SATB1: variants seen among roughly 807,000 people sequenced by gnomAD.
SATB1 encodes SATB homeobox 1.
SATB1 carries 11 observed loss-of-function variants against 86.9 expected under a neutral mutation model. The ratio of observed to expected loss-of-function variants is 0.13; its 90% CI spans 0.08 to 0.21. The LOEUF is 0.21. Among genes scored for constraint, SATB1 ranks in the 10% least tolerant of loss-of-function variants. SATB1 has a pLI of 1.00. For synonymous variants in SATB1, 357 were observed against 357.2 expected, an observed-to-expected ratio of 1.00 and a Z score of 0.01; for missense variants, 551 against 937.6, an observed-to-expected ratio of 0.59 and a Z score of 5.39.
chr3:18,356,098 A>C (rs1340197448), intron 9 of SATB1, among the ~76,000 whole-genome samples: 2 of 151,986 alleles, frequency 1.3e-5, no homozygotes, highest in African/African-American at 4.8e-5. Context: ...TACTTAAAAA[A>C]AACTGGCATG....
upstream of SATB1, among the ~76,000 whole-genome samples, chr3:18,440,777 A>T (rs1699220781): frequency 6.6e-6 from 1 of 152,204 alleles, no homozygotes; most frequent in Non-Finnish European, 1.5e-5. Context: ...AATTTGTAAA[A>T]ATCATCACAG....
chr3:18,368,557 C>G (rs1203623271), intron 9 of SATB1, among the ~76,000 whole-genome samples: 3 of 152,076 alleles, frequency 2.0e-5, no homozygotes, highest in Admixed American at 6.6e-5. Context: ...GAGGAAACTA[C>G]TAAGCAAAAG....
chr3:18,414,956 G>C (rs1698038131), intron 5 of SATB1, 155 bp downstream of exon 5: 1 of 716,696 alleles, frequency 1.4e-6, no homozygotes, highest in African/African-American at 1.8e-5. Context: ...AAGGAATCAG[G>C]CATATTTTAA....
chr3:18,424,940 T>G lies in SATB1; in HGVS notation c.-1338A>C, dbSNP rs1195625644. On this transcript the variant is annotated 5_prime_UTR_variant, in exon 1 of 11. Transcript: ENST00000338745. Reference sequence around the variant, plus strand: ...ACAGGGAGAGGTGTGTGTGTGTTTGTGTGTGTGCGTGAGTGTGAGCGCGAG... The same window carrying G: ...ACAGGGAGAGGTGTGTGTGTGTTTGGGTGTGTGCGTGAGTGTGAGCGCGAG... 2 of 155,064 alleles carry G rather than the reference T, an allele frequency of 1.3e-5. No homozygotes were observed. Among genetic ancestry groups the G allele is most frequent in the African/African-American group, 4.8e-5 (2 of 41,454 alleles). The allele number at this position is 155,064 out of a possible 1,614,324, so 9.6% of individuals were successfully genotyped here. A position where few individuals can be genotyped will look rare whatever the true frequency, so the allele number is the denominator to read the frequency against.
chr3:18,354,879 G>A (rs1237445323), intron 9 of SATB1, among the ~76,000 whole-genome samples: 1 of 152,132 alleles, frequency 6.6e-6, no homozygotes, highest in Non-Finnish European at 1.5e-5. Flanking sequence ...TGCTCATATT[G>A]TCACTTCTGT....
rs1694148366 is a variant in SATB1 at position 18,348,101 on chromosome 3, T to TATTTTATACATCTGTATAAA, written c.*1068_*1069insTTTATACAGATGTATAAAAT. On this transcript the variant is annotated 3_prime_UTR_variant, in exon 11 of 11. Coordinates refer to ENST00000338745, the MANE Select transcript of SATB1 (RefSeq NM_002971.6). ...AACTCATAAAAAAGAAATACACCTT[T>TATTTTATACATCTGTATAAA]ATACAGAAATTTTATACAGATGTAG... is the stretch of plus-strand genomic sequence containing the variant. 1 of 152,626 alleles carries TATTTTATACATCTGTATAAA rather than the reference T, an allele frequency of 6.6e-6. No homozygotes were observed. Among genetic ancestry groups the TATTTTATACATCTGTATAAA allele is most frequent in the Non-Finnish European group, 1.5e-5 (1 of 68,020 alleles). 9.5% of individuals were successfully genotyped at this position (152,626 alleles called of 1,614,324 possible). A position where few individuals can be genotyped will look rare whatever the true frequency, so the allele number is the denominator to read the frequency against.
intron 9 of SATB1, among the ~76,000 whole-genome samples, chr3:18,367,669 T>C (rs534532825): frequency 2.3e-4 from 35 of 152,344 alleles, no homozygotes; most frequent in Admixed American, 7.2e-4. Flanking sequence ...TTCTTTGTAC[T>C]GAGAATACTG....
At chr3:18,392,047 A>G (rs1441077707) in intron 7 of SATB1, among the ~76,000 whole-genome samples, 1 of 152,166 alleles carries the variant, frequency 6.6e-6, no homozygotes, top group Non-Finnish European at 1.5e-5. Context: ...AAGAGTATCA[A>G]TTATCAATAT....
chr3:18,427,700 A>C (rs1446230566), upstream of SATB1, among the ~76,000 whole-genome samples: 1 of 152,212 alleles, frequency 6.6e-6, no homozygotes. Flanking sequence ...AGCACCTTTT[A>C]TCTGAGTCAC....
intron 8 of SATB1, among the ~76,000 whole-genome samples, chr3:18,381,971 A>G (rs1187905854): frequency 6.6e-6 from 1 of 152,164 alleles, no homozygotes; most frequent in East Asian, 1.9e-4. Flanking sequence ...AAAGACGACA[A>G]TTAATGGGAT....
rs1696357126 is a variant in SATB1, at chr3:18,386,623, G to C, written c.1207-12C>G. ...TCTGAAAGCAAGCCCTGCAAGAAAT[G>C]AAAGGCACAGGGTGAGCCTGCTGCC... On this transcript the variant is annotated splice_polypyrimidine_tract_variant and intron_variant, in intron 7 of 10. Transcript: ENST00000338745. This position sits in a 1 kb window ranked among gnomAD's most constrained non-coding sequence, Gnocchi z 4.5. The C allele has an allele frequency of 6.2e-7, 1 of 1,611,630 alleles. No homozygotes were observed. The highest frequency in any genetic ancestry group is 1.3e-5 in the African/African-American group (1 of 75,000).
At position 18,349,339 on chromosome 3, in the gene SATB1, T is replaced by A. The variant is rs111734237; in HGVS notation, c.2123A>T (p.Asp708Val). 1.4e-5 allele frequency: 22 copies of A among 1,614,194 alleles called. No homozygotes were observed. The highest frequency in any genetic ancestry group is 1.3e-5 in the African/African-American group (1 of 75,050). Reference sequence around the variant, plus strand: ...CACATCGACCTCTAAACCGGAATTGTCCTTCAGTTTGCCGTGGTGCTTGAG... The same window carrying A: ...CACATCGACCTCTAAACCGGAATTGACCTTCAGTTTGCCGTGGTGCTTGAG... Reference protein sequence around the residue: ...YYLKHHGKLKDNSGLEVDVAE... With the variant: ...YYLKHHGKLKVNSGLEVDVAE... The change falls in exon 11 of 11, where the codon GAC becomes GTC. Residue 708 changes from aspartate (D) to valine (V), a missense_variant. Physicochemically the swap from Asp to Val is radical, Grantham distance 152. Transcript: ENST00000338745. The surrounding 1 kb of genome is among the most constrained non-coding windows in gnomAD (Gnocchi z 5.5).
chr3:18,386,943 T>C lies in SATB1; in HGVS notation c.1207-332A>G, dbSNP rs1363516061. On this transcript the variant is annotated intron_variant, in intron 7 of 10. Coordinates refer to ENST00000338745, the MANE Select transcript of SATB1 (RefSeq NM_002971.6). This position sits in a 1 kb window ranked among gnomAD's most constrained non-coding sequence, Gnocchi z 4.5. ...CGAAATCCTTATAATGCAACAGCACTGAACTGTATAGTTCCCAAGCTGCCT... is the reference window on the plus strand; with the variant it reads ...CGAAATCCTTATAATGCAACAGCACCGAACTGTATAGTTCCCAAGCTGCCT... Among the ~76,000 whole-genome samples, 1 of 152,222 alleles carries C rather than the reference T, an allele frequency of 6.6e-6. No individual in the cohort carries two copies. The highest frequency in any genetic ancestry group is 1.5e-5 in the Non-Finnish European group (1 of 68,034).
Position 18,423,715 on chromosome 3 carries a change from G to GTT in SATB1, c.-115_-114dup, listed in dbSNP as rs1306829053. The GTT allele has an allele frequency of 1.4e-5, 2 of 141,892 alleles. No homozygotes were observed. The highest frequency in any genetic ancestry group is 7.3e-5 in the Admixed American group (1 of 13,792). 8.8% of individuals were successfully genotyped at this position (141,892 alleles called of 1,614,324 possible). ...TCTTGAAGAGAAGTTCAAGACTGAT[G>GTT]TTTTCTATGTCCTTTTTTTTTTTAA... On this transcript the variant is annotated 5_prime_UTR_variant, in exon 1 of 11. Coordinates refer to ENST00000338745, the MANE Select transcript of SATB1 (RefSeq NM_002971.6).
At chr3:18,390,062 G>A (rs890413244) in intron 7 of SATB1, among the ~76,000 whole-genome samples, 2 of 151,992 alleles carry the variant, frequency 1.3e-5, no homozygotes, top group African/African-American at 4.8e-5. Context: ...GTTATTACAA[G>A]TAAAATTCAT....
At chr3:18,406,797 A>G (rs913560003) in intron 5 of SATB1, among the ~76,000 whole-genome samples, 3 of 152,072 alleles carry the variant, frequency 2.0e-5, no homozygotes, top group Admixed American at 2.0e-4. Flanking sequence ...AATTAAGTAT[A>G]ATAGGAAAAT....
In SATB1 at chr3:18,347,274, A is replaced by G. The variant is rs1694103112; in HGVS notation, c.*1896T>C. On this transcript the variant is annotated 3_prime_UTR_variant, in exon 11 of 11. Coordinates refer to ENST00000338745, the MANE Select transcript of SATB1 (RefSeq NM_002971.6). ...GGAAACAAAGTGAGGGAGCAAATAA[A>G]AGAAAAATCACCCCAAACTGTAATG... 6.6e-6 allele frequency: 1 copy of G among 152,156 alleles called. No individual in the cohort carries two copies. Among genetic ancestry groups the G allele is most frequent in the Non-Finnish European group, 1.5e-5 (1 of 68,008 alleles). The allele number at this position is 152,156 out of a possible 1,614,324, so 9.4% of individuals were successfully genotyped here. A position where few individuals can be genotyped will look rare whatever the true frequency, so the allele number is the denominator to read the frequency against.
At chr3:18,445,292 G>A in intron 1 of SATB1, 1 of 984,734 alleles carries the variant, frequency 1.0e-6, no homozygotes, top group Non-Finnish European at 1.2e-6. Context: ...AGCCCGAGCC[G>A]CCGCCGCCGC....
rs371978471 is a variant in SATB1 at position 18,391,540 on chromosome 3, C to T, written c.1206+2922G>A. On this transcript the variant is annotated intron_variant, in intron 7 of 10. Coordinates refer to ENST00000338745, the MANE Select transcript of SATB1 (RefSeq NM_002971.6). The stretch of plus-strand genomic sequence containing the variant: ...CTATCCCTCCCCCCTCCCCCCACCC[C>T]ACAACAGTCCCCAGAGTGTGATATT... 3.2e-5 allele frequency among the ~76,000 whole-genome samples: 4 copies of T among 123,354 alleles called. No individual in the cohort carries two copies. The East Asian group carries it at 1.2e-3, about 36-fold the overall frequency. 80.9% of individuals were successfully genotyped at this position (123,354 alleles called of 152,430 possible).
Sources: gnomAD v4.1 joint callset for allele counts (sites outside exome capture counted in the v4.1 genomes callset) on GRCh38, gnomAD v4.1.1 for gene constraint, Gnocchi (gnomAD v3.1) non-coding constraint, MANE v1.5 for transcripts, NCBI Gene and HGNC (gene_info 2026-07-23, HGNC 2026-07-21) for gene names.